Variants in THADA observed in about 807,000 individuals in gnomAD.
THADA encodes the protein THADA armadillo repeat containing.
A neutral mutation model predicts 219.8 loss-of-function variants in THADA; 213 were observed. The observed-to-expected ratio is 0.97, with a 90% CI of 0.87 to 1.09. THADA has a LOEUF of 1.09. Ranked by LOEUF, THADA falls within the 50% of genes least tolerant of loss-of-function variation. The probability of loss-of-function intolerance (pLI) is 0.00; values close to 1 mark genes in which losing one functional copy is unlikely to be tolerated. For synonymous variants in THADA, 1,018 were observed against 828.9 expected, an observed-to-expected ratio of 1.23 and a Z score of -3.92; for missense variants, 2,956 against 2,311.3, an observed-to-expected ratio of 1.28 and a Z score of -5.72.
chr2:43,233,071 G>T, intron 36 of THADA, 189 bp from the exon 37 acceptor site: 1 of 625,048 alleles, frequency 1.6e-6, no homozygotes, highest in Non-Finnish European at 2.8e-6. Flanking sequence ...TATACTGTTA[G>T]AATGAGTCAT....
chr2:43,577,050 C>A lies in THADA; in HGVS notation c.1009G>T (p.Ala337Ser). 6.2e-7 allele frequency: 1 copy of A among 1,613,236 alleles called. No homozygotes were observed. The highest frequency in any genetic ancestry group is 1.3e-5 in the African/African-American group (1 of 75,030). The change falls in exon 10 of 38, where the codon GCA becomes TCA. Residue 337 changes from alanine (A) to serine (S), a missense_variant. Ala to Ser is a moderately conservative substitution (Grantham distance 99). Coordinates refer to ENST00000405975, the MANE Select transcript of THADA (RefSeq NM_022065.5). ...RSGEALLLDT[A>S]HVLFTLSSQI... The stretch of plus-strand genomic sequence containing the variant: ...GAACTCAAGGTGAACAAAACATGTG[C>A]AGTATCCAAGAGCAGGGCCTCCCCA...
intron 35 of THADA, among the ~76,000 whole-genome samples, chr2:43,284,019 A>C (rs1673685853): frequency 6.6e-6 from 1 of 152,162 alleles, no homozygotes; most frequent in Non-Finnish European, 1.5e-5. Flanking sequence ...TCTCTACTAA[A>C]AGTACAAAAA....
intron 1 of THADA, among the ~76,000 whole-genome samples, chr2:43,593,356 AC>A (rs759255120): frequency 2.6e-5 from 4 of 152,168 alleles, no homozygotes; most frequent in African/African-American, 9.7e-5. Context: ...ACTGCCAAAA[AC>A]CACAGAAGTC....
chr2:43,493,386 T>C (rs770527361), intron 25 of THADA, among the ~76,000 whole-genome samples: 5 of 152,076 alleles, frequency 3.3e-5, no homozygotes, highest in Non-Finnish European at 5.9e-5. Context: ...TCCCAGCTAC[T>C]AGTGAGGCTG....
At chr2:43,489,688 T>C (rs1047872726) in intron 25 of THADA, among the ~76,000 whole-genome samples, 1 of 152,120 alleles carries the variant, frequency 6.6e-6, no homozygotes, top group African/African-American at 2.4e-5. Flanking sequence ...GGTTTATTTC[T>C]GTACAATCAA....
intron 31 of THADA, among the ~76,000 whole-genome samples, chr2:43,297,703 C>T (rs1675672908): frequency 8.1e-6 from 1 of 123,088 alleles, no homozygotes. Context: ...CCCGGCCAGC[C>T]ACCCCGTCCG....
chr2:43,411,077 A>G (rs1034114831), intron 28 of THADA, among the ~76,000 whole-genome samples: 6 of 152,248 alleles, frequency 3.9e-5, no homozygotes, highest in Non-Finnish European at 8.8e-5. Flanking sequence ...TCAAATCAAT[A>G]AACACTTAAA....
intron 27 of THADA, among the ~76,000 whole-genome samples, chr2:43,428,912 G>C (rs1283451877): frequency 6.6e-6 from 1 of 152,082 alleles, no homozygotes; most frequent in Non-Finnish European, 1.5e-5. Context: ...CTAAAGGCCA[G>C]AAAAGCACAT....
At chr2:43,384,122 C>T (rs534787022) in intron 29 of THADA, among the ~76,000 whole-genome samples, 1 of 152,126 alleles carries the variant, frequency 6.6e-6, no homozygotes, top group African/African-American at 2.4e-5. Flanking sequence ...AATTATGCAC[C>T]TCTACTCATG....
intron 22 of THADA, among the ~76,000 whole-genome samples, chr2:43,515,181 TATATA>T (rs1691384495): frequency 1.5e-4 from 7 of 45,222 alleles, no homozygotes; most frequent in Non-Finnish European, 1.5e-4. Context: ...TTATATATTA[TATATA>T]ATATATTATA....
rs1699703411 is a variant in THADA at position 43,574,961 on chromosome 2, T to C, written c.1104A>G (p.Ile368Met). ...RILASWTNSA[I>M]QVLESSSPSL... ...TCGGGGAACTTGATTCAAGGACTTG[T>C]ATGGCTGAATTAGTCCAGGATGCTA... Residue 368 changes from isoleucine to methionine, a missense_variant, in exon 11 of 38, where the codon ATA (isoleucine) becomes ATG (methionine). Physicochemically the swap from Ile to Met is conservative, Grantham distance 10. Coordinates refer to ENST00000405975, the MANE Select transcript of THADA (RefSeq NM_022065.5). 5 of 1,613,910 alleles carry C rather than the reference T, an allele frequency of 3.1e-6. No individual in the cohort carries two copies. The highest frequency in any genetic ancestry group is 2.2e-5 in the East Asian group (1 of 44,896).
intron 28 of THADA, among the ~76,000 whole-genome samples, chr2:43,400,720 G>A (rs937772238): frequency 2.6e-5 from 4 of 151,956 alleles, no homozygotes; most frequent in Non-Finnish European, 5.9e-5. Context: ...CTGACATGAT[G>A]TCTAAGAGAA....
intron 29 of THADA, among the ~76,000 whole-genome samples, chr2:43,380,818 G>A (rs1210087486): frequency 6.6e-6 from 1 of 152,164 alleles, no homozygotes; most frequent in Non-Finnish European, 1.5e-5. Context: ...AAGAAAAATG[G>A]CTGGATGCGG....
chr2:43,292,057 G>T (rs1381160983), intron 33 of THADA, 47 bp downstream of exon 33: 2 of 1,273,406 alleles, frequency 1.6e-6, no homozygotes, highest in Admixed American at 2.2e-5. Flanking sequence ...ATGACTGATG[G>T]GACCATACAT....
intron 29 of THADA, among the ~76,000 whole-genome samples, chr2:43,390,371 C>G (rs1014541431): frequency 2.0e-5 from 3 of 152,204 alleles, no homozygotes; most frequent in Non-Finnish European, 4.4e-5. Flanking sequence ...TAGTCTCAAA[C>G]ATGCAGTTGG....
chr2:43,585,433 A>G (rs1258246614), intron 7 of THADA, among the ~76,000 whole-genome samples: 1 of 151,694 alleles, frequency 6.6e-6, no homozygotes, highest in Admixed American at 6.6e-5. Flanking sequence ...TGGGAGTATC[A>G]CTTGAACCCA....
intron 22 of THADA, among the ~76,000 whole-genome samples, chr2:43,524,032 A>G (rs1053345584): frequency 7.9e-5 from 12 of 152,230 alleles, no homozygotes; most frequent in Admixed American, 5.2e-4. Flanking sequence ...GAATGTCACC[A>G]AAAAGTTGAA....
At chr2:43,403,933 A>G (rs1675193993) in intron 28 of THADA, among the ~76,000 whole-genome samples, 1 of 152,158 alleles carries the variant, frequency 6.6e-6, no homozygotes, top group African/African-American at 2.4e-5. Context: ...GGAAATGGTC[A>G]TCTACTGACA....
At chr2:43,329,119 T>A (rs561210743) in intron 30 of THADA, among the ~76,000 whole-genome samples, 3 of 152,216 alleles carry the variant, frequency 2.0e-5, no homozygotes, top group Non-Finnish European at 2.9e-5. Context: ...TTTCCCTCCC[T>A]CTGTGACTTG....
Sources: gnomAD v4.1 joint callset for allele counts (sites outside exome capture counted in the v4.1 genomes callset) on GRCh38, gnomAD v4.1.1 for gene constraint, MANE v1.5 for transcripts, NCBI Gene and HGNC (gene_info 2026-07-23, HGNC 2026-07-21) for gene names.